The following RGS6 variants were observed in gnomAD, a reference collection of about 807,000 sequenced individuals.
The protein encoded by RGS6 is regulator of G protein signaling 6.
Under a neutral mutation model 78.5 loss-of-function variants are expected in RGS6, and 30 were observed. The observed-to-expected ratio is 0.38, with a 90% CI of 0.29 to 0.52. RGS6 has a LOEUF of 0.52. RGS6 is among the 20% of genes least tolerant of loss of function. The probability of loss-of-function intolerance (pLI) is 0.85; values close to 1 mark genes in which losing one functional copy is unlikely to be tolerated. For missense variants in RGS6, 495 were observed against 609.7 expected, an observed-to-expected ratio of 0.81 and a Z score of 1.98; for synonymous variants, 206 against 206.0, an observed-to-expected ratio of 1.00 and a Z score of 0.00.
intron 2 of RGS6, among the ~76,000 whole-genome samples, chr14:72,259,919 A>AAAAAAAAAAAAAAAAAAAAAAAC (rs2057829263): frequency 6.6e-6 from 1 of 150,656 alleles, no homozygotes; most frequent in African/African-American, 2.5e-5. Context: ...TCAAAAAAAA[A>AAAAAAAAAAAAAAAAAAAAAAAC]AAAAAAAAAA....
intron 2 of RGS6, among the ~76,000 whole-genome samples, chr14:72,187,488 T>A (rs1411411936): frequency 1.3e-5 from 2 of 152,204 alleles, no homozygotes; most frequent in African/African-American, 4.8e-5. Flanking sequence ...GGTGGTGGAC[T>A]TGAGTGTCTA....
intron 2 of RGS6, among the ~76,000 whole-genome samples, chr14:72,315,943 A>G (rs373818109): frequency 1.4e-4 from 22 of 152,344 alleles, no homozygotes; most frequent in African/African-American, 5.3e-4. Flanking sequence ...GCCAGAAACC[A>G]CAAATCCCCA....
intron 1 of RGS6, among the ~76,000 whole-genome samples, chr14:71,951,669 A>C (rs1466688863): frequency 6.6e-6 from 1 of 152,146 alleles, no homozygotes; most frequent in Non-Finnish European, 1.5e-5. Context: ...ATTGCATTAA[A>C]TCTCTAGCCT....
chr14:72,397,632 T>G (rs1447614701), intron 3 of RGS6, among the ~76,000 whole-genome samples: 2 of 152,224 alleles, frequency 1.3e-5, no homozygotes, highest in Non-Finnish European at 2.9e-5. Flanking sequence ...TGTGCCCGTT[T>G]CCAAAGGGAA....
intron 4 of RGS6, among the ~76,000 whole-genome samples, chr14:72,457,084 TA>T (rs747066432): frequency 0.27 from 21,993 of 81,910 alleles, 1,928 homozygotes; most frequent in African/African-American, 0.32. Flanking sequence ...GACCTGTCTC[TA>T]AAAAAAAAAA....
At chr14:72,568,268 G>A (rs191412655), downstream of RGS6, among the ~76,000 whole-genome samples, 837 of 151,404 alleles carry the variant, frequency 5.5e-3, 7 homozygotes, top group African/African-American at 0.02. Flanking sequence ...CAAAATCTTC[G>A]GGTGGCTGTG....
chr14:72,140,867 C>G (rs557924635), intron 2 of RGS6, among the ~76,000 whole-genome samples: 1 of 152,244 alleles, frequency 6.6e-6, no homozygotes, highest in Admixed American at 6.5e-5. Context: ...CAATGGGCTG[C>G]TGGTGTTCCT....
At chr14:72,429,472 T>C (rs1426297296) in intron 3 of RGS6, among the ~76,000 whole-genome samples, 1 of 152,158 alleles carries the variant, frequency 6.6e-6, no homozygotes, top group Non-Finnish European at 1.5e-5. Flanking sequence ...CCTGAGGCAT[T>C]TGGAGAAGCC....
At chr14:72,079,949 A>G (rs901228254) in intron 2 of RGS6, among the ~76,000 whole-genome samples, 10 of 152,176 alleles carry the variant, frequency 6.6e-5, no homozygotes. Context: ...TTGAACACTT[A>G]GGTGGATCCC....
rs780966359 is a variant in RGS6 at position 72,239,827 on chromosome 14, A to AAT, written c.85-112265_85-112264dup. On this transcript the variant is annotated intron_variant, in intron 2 of 17. Coordinates refer to ENST00000553525, the MANE Select transcript of RGS6 (RefSeq NM_001204424.2). ...CATTTGACCATTGAAAATAATTTCT[A>AAT]ATATCCCTTTATGCTAATTAATGAA... Among the ~76,000 whole-genome samples the AAT allele has an allele frequency of 2.6e-5, 4 of 152,324 alleles. No homozygotes were observed. In the South Asian group the frequency reaches 8.3e-4, roughly 32 times the overall value.
At chr14:72,612,064 A>G in the RGS6 span, among the ~76,000 whole-genome samples, 4 of 152,262 alleles carry the variant, frequency 2.6e-5, no homozygotes, top group East Asian at 5.8e-4. Flanking sequence ...AAGGGTTTTA[A>G]TTTAGCCAGT....
intron 12 of RGS6, among the ~76,000 whole-genome samples, chr14:72,491,005 A>G (rs1424229714): frequency 6.6e-6 from 1 of 152,230 alleles, no homozygotes; most frequent in African/African-American, 2.4e-5. Context: ...ATGCCAGTGC[A>G]GCTGGTTTAT....
the RGS6 span, among the ~76,000 whole-genome samples, chr14:71,888,846 A>G: frequency 6.6e-6 from 1 of 152,144 alleles, no homozygotes; most frequent in Non-Finnish European, 1.5e-5. Context: ...ATATATCCTT[A>G]GTGTTATTCT....
intron 13 of RGS6, among the ~76,000 whole-genome samples, chr14:72,507,868 G>A (rs906198021): frequency 6.6e-6 from 1 of 152,190 alleles, no homozygotes; most frequent in Non-Finnish European, 1.5e-5. Context: ...TCCATCCTTG[G>A]TCATAGCATG....
At chr14:72,056,340 T>A (rs2093618760) in intron 2 of RGS6, among the ~76,000 whole-genome samples, 2 of 152,162 alleles carry the variant, frequency 1.3e-5, no homozygotes, top group African/African-American at 4.8e-5. Context: ...TTGGAACATG[T>A]GTTATCTTCT....
chr14:72,488,361 C>T (rs1268423332), intron 12 of RGS6, among the ~76,000 whole-genome samples: 1 of 152,172 alleles, frequency 6.6e-6, no homozygotes, highest in Non-Finnish European at 1.5e-5. Context: ...TTCATTCATG[C>T]TTAATGCCTG....
chr14:71,980,048 T>C (rs1420043917), intron 2 of RGS6, among the ~76,000 whole-genome samples: 57 of 139,582 alleles, frequency 4.1e-4, no homozygotes, highest in African/African-American at 1.5e-3. Flanking sequence ...TCTTTGTTGG[T>C]TTAAAGTCTG....
At chr14:71,984,867 T>C (rs1180751725) in intron 2 of RGS6, among the ~76,000 whole-genome samples, 1 of 152,156 alleles carries the variant, frequency 6.6e-6, no homozygotes, top group Non-Finnish European at 1.5e-5. Context: ...TCGCTTTCCA[T>C]TTAAAAAGTA....
chr14:72,151,830 T>G (rs562203398), intron 2 of RGS6, among the ~76,000 whole-genome samples: 2 of 152,340 alleles, frequency 1.3e-5, no homozygotes, highest in South Asian at 2.1e-4. Context: ...ATCAGAACCA[T>G]CTGGTTCTGA....
Sources: allele counts gnomAD v4.1 joint callset (sites outside exome capture counted in the v4.1 genomes callset), GRCh38; gene constraint gnomAD v4.1.1; transcripts MANE v1.5; gene names NCBI Gene and HGNC (gene_info 2026-07-23, HGNC 2026-07-21).